SRGAP2: variants seen among roughly 807,000 people sequenced by gnomAD.
SRGAP2 encodes SLIT-ROBO Rho GTPase-activating protein 2.
Under a neutral mutation model 57.2 loss-of-function variants are expected in SRGAP2, and 15 were observed. That is an observed-to-expected ratio of 0.26 (90% CI 0.18 to 0.40). The LOEUF is 0.40. Ranked by LOEUF, SRGAP2 falls within the 10% of genes least tolerant of loss-of-function variation. The pLI is 1.00. For missense variants in SRGAP2, 520 were observed against 669.6 expected, an observed-to-expected ratio of 0.78 and a Z score of 2.47; for synonymous variants, 249 against 248.0, an observed-to-expected ratio of 1.00 and a Z score of -0.04.
chr1:206,437,253 C>A (rs1434150474), intron 15 of SRGAP2, among the ~76,000 whole-genome samples: 1 of 152,194 alleles, frequency 6.6e-6, no homozygotes, highest in Non-Finnish European at 1.5e-5. Context: ...CGTAGCCCTA[C>A]CCATCCTGCC....
chr1:206,360,064 C>T (rs1344827099), intron 4 of SRGAP2, among the ~76,000 whole-genome samples: 3 of 151,950 alleles, frequency 2.0e-5, no homozygotes, highest in Admixed American at 6.6e-5. Context: ...CCTCGGCCTC[C>T]CAAAGTGCTG....
chr1:206,221,416 TG>T (rs781941177), intron 2 of SRGAP2, among the ~76,000 whole-genome samples: 5 of 151,978 alleles, frequency 3.3e-5, no homozygotes, highest in Non-Finnish European at 7.4e-5. Context: ...TTCTGGAGGC[TG>T]GGAAGTCCAA....
chr1:206,321,867 T>C (rs1673474402), intron 3 of SRGAP2, among the ~76,000 whole-genome samples: 1 of 152,246 alleles, frequency 6.6e-6, no homozygotes, highest in Non-Finnish European at 1.5e-5. Flanking sequence ...TGTACTTTCC[T>C]TGCCTTTACT....
At chr1:206,249,821 T>G (rs1553310839) in intron 2 of SRGAP2, among the ~76,000 whole-genome samples, 2 of 150,562 alleles carry the variant, frequency 1.3e-5, no homozygotes, top group African/African-American at 4.9e-5. Flanking sequence ...CCCCACTTCA[T>G]ATTTCCTATT....
chr1:206,292,298 A>T (rs1671373465), intron 2 of SRGAP2, among the ~76,000 whole-genome samples: 1 of 152,122 alleles, frequency 6.6e-6, no homozygotes, highest in Non-Finnish European at 1.5e-5. Flanking sequence ...ATGACTGCTG[A>T]TTGAATAGGT....
rs1656179761 is a variant in SRGAP2, at chr1:206,385,809, AT to A, written c.486+1735del. Among the ~76,000 whole-genome samples, 4 of 152,228 alleles carry A rather than the reference AT, an allele frequency of 2.6e-5. No individual in the cohort carries two copies. In the South Asian group the frequency reaches 8.3e-4, roughly 31 times the overall value. On this transcript the variant is annotated intron_variant, in intron 5 of 22. Transcript: ENST00000573034. ...ATATTCGCCAACTACTTTACTGGCC[AT>A]TGTGAGGCCATGGTCAACATAGAGC...
chr1:206,309,225 A>C (rs1553323054), intron 3 of SRGAP2, among the ~76,000 whole-genome samples: 2 of 150,950 alleles, frequency 1.3e-5, no homozygotes, highest in East Asian at 3.9e-4. Context: ...AAATAGTATA[A>C]TGTGAAAAGA....
At chr1:206,351,222 G>A (rs1489489704) in intron 4 of SRGAP2, among the ~76,000 whole-genome samples, 1 of 151,798 alleles carries the variant, frequency 6.6e-6, no homozygotes, top group South Asian at 2.1e-4. Flanking sequence ...CACAATGCTG[G>A]TATAGTTGAA....
Position 206,268,522 on chromosome 1 carries a change from A to G in SRGAP2, c.68-34759A>G. ...GAAGAATAATGGGTGTAAATGATAT[A>G]TGTTCTGAAAAATAGAAATAAAGCC... On this transcript the variant is annotated intron_variant, in intron 2 of 22. Transcript: ENST00000573034. 2.0e-5 allele frequency among the ~76,000 whole-genome samples: 3 copies of G among 152,304 alleles called. No individual in the cohort carries two copies. The South Asian group carries it at 6.2e-4, about 32-fold the overall frequency.
chr1:206,383,367 C>T (rs1395151817), intron 4 of SRGAP2, among the ~76,000 whole-genome samples: 5 of 151,408 alleles, frequency 3.3e-5, no homozygotes, highest in Admixed American at 2.6e-4. Flanking sequence ...AGATGTCAGC[C>T]CTGGGTGGCA....
In SRGAP2 at chr1:206,269,087, G is replaced by T. The variant is rs1474372028; in HGVS notation, c.68-34194G>T. ...ATAACTACCAAAATGCTCTTCAGAA[G>T]TAGAATGAATAAACAAAGTGTGGTG... On this transcript the variant is annotated intron_variant, in intron 2 of 22. Coordinates refer to ENST00000573034, the MANE Select transcript of SRGAP2 (RefSeq NM_015326.5). Among the ~76,000 whole-genome samples, 4 of 149,734 alleles carry T rather than the reference G, an allele frequency of 2.7e-5. No homozygotes were observed. In the East Asian group the frequency reaches 5.8e-4, roughly 22 times the overall value.
At chr1:206,290,731 A>G (rs1230443998) in intron 2 of SRGAP2, among the ~76,000 whole-genome samples, 2 of 151,860 alleles carry the variant, frequency 1.3e-5, no homozygotes, top group Non-Finnish European at 2.9e-5. Flanking sequence ...CTTTATAAAT[A>G]TTAACTCATA....
At position 206,372,959 on chromosome 1, in the gene SRGAP2, TC is replaced by T. The variant is rs1221071390; in HGVS notation, c.424-11054del. Among the ~76,000 whole-genome samples the T allele has an allele frequency of 4.0e-4, 4 of 9,950 alleles. 1 individual carries two copies. Among genetic ancestry groups the T allele is most frequent in the African/African-American group, 2.3e-3 (4 of 1,728 alleles). 6.5% of individuals were successfully genotyped at this position (9,950 alleles called of 152,430 possible). ...TCTTTCTTTCTTTCTTTCTTTCTTT[TC>T]TTTCCTTTCTTTCTTTCTTTCTTTC... On this transcript the variant is annotated intron_variant, in intron 4 of 22. Coordinates refer to ENST00000573034, the MANE Select transcript of SRGAP2 (RefSeq NM_015326.5).
In SRGAP2 at chr1:206,460,916, G is replaced by T. The variant is rs1664211475; in HGVS notation, c.2833-121G>T. On this transcript the variant is annotated intron_variant, in intron 22 of 22. Transcript: ENST00000573034. ...TCATATGTTCAAAGATTTAGGCCAA[G>T]TACAATAATCTGGACATCTTACGGT... The T allele has an allele frequency of 4.0e-5, 22 of 551,414 alleles. No homozygotes were observed. In the South Asian group the frequency reaches 5.2e-4, roughly 13 times the overall value. 34.2% of individuals were successfully genotyped at this position (551,414 alleles called of 1,614,324 possible). A position where few individuals can be genotyped will look rare whatever the true frequency, so the allele number is the denominator to read the frequency against.
chr1:206,233,469 A>T (rs1667754795), intron 2 of SRGAP2, among the ~76,000 whole-genome samples: 1 of 150,340 alleles, frequency 6.7e-6, no homozygotes, highest in Non-Finnish European at 1.5e-5. Flanking sequence ...CGACCTCTAG[A>T]GGATGCTCTA....
intron 13 of SRGAP2, 51 bp downstream of exon 13, chr1:206,421,325 C>G: frequency 1.3e-6 from 1 of 749,786 alleles, no homozygotes; most frequent in Admixed American, 1.9e-5. Context: ...TATAGTCCAT[C>G]CCACAGGCAT....
At chr1:206,418,888 CTGTGTGTGTGTGTGTGTGTGTGTGTG>C (rs1159940831) in intron 11 of SRGAP2, among the ~76,000 whole-genome samples, 2 of 136,566 alleles carry the variant, frequency 1.5e-5, no homozygotes, top group African/African-American at 5.6e-5. Context: ...CCAACTCTCT[CTGTGTGTGTGTGTGTGTGTGTGTGTG>C]TGTGTGTGTG....
Position 206,461,388 on chromosome 1 carries a change from CCA to C in SRGAP2, c.3187_3188del (p.Gln1063ValfsTer3), listed in dbSNP as rs782725585. On this transcript the variant is annotated frameshift_variant, in exon 23 of 23. Coordinates refer to ENST00000573034, the MANE Select transcript of SRGAP2 (RefSeq NM_015326.5). LOFTEE classifies it high-confidence loss of function. ...CCCTGGTGTCAACTCATCAACTTCC[CCA>C]CAGTCTACTGACAAGTCTTGTACTG... The part of the protein sequence containing the change: ...TSPGVNSSTS[P>X]QSTDKSCTV 3 of 779,964 alleles carry C rather than the reference CCA, an allele frequency of 3.8e-6. No homozygotes were observed. Among genetic ancestry groups the C allele is most frequent in the South Asian group, 1.3e-5 (1 of 74,486 alleles). The allele number at this position is 779,964 out of a possible 1,614,324, so 48.3% of individuals were successfully genotyped here.
chr1:206,380,790 CTT>C (rs1287280472), intron 4 of SRGAP2, among the ~76,000 whole-genome samples: 1 of 116,066 alleles, frequency 8.6e-6, no homozygotes, highest in Non-Finnish European at 1.8e-5. Context: ...TCCCCCTTGT[CTT>C]TGGGTGGGGC....
Sources: gnomAD v4.1 joint callset for allele counts (sites outside exome capture counted in the v4.1 genomes callset) on GRCh38, gnomAD v4.1.1 for gene constraint, MANE v1.5 for transcripts, NCBI Gene and HGNC (gene_info 2026-07-23, HGNC 2026-07-21) for gene names.